The following CCDC160 variants were observed in gnomAD, a reference collection of about 807,000 sequenced individuals.
The protein encoded by CCDC160 is coiled-coil domain-containing protein 160.
For missense variants in CCDC160, 227 were observed against 215.6 expected, an observed-to-expected ratio of 1.05 and a Z score of -0.33; for synonymous variants, 94 against 79.4, an observed-to-expected ratio of 1.18 and a Z score of -0.98.
chrX:134,246,033 G>A (rs199804349), downstream of CCDC160: 12 of 194,471 alleles, frequency 6.2e-5, no homozygotes, highest in Non-Finnish European at 1.1e-4. Flanking sequence ...GTGTGTGTGT[G>A]TACACACACA....
At chrX:134,246,394 A>G (rs761055654), downstream of CCDC160, among the ~76,000 whole-genome samples, 7 of 111,547 alleles carry the variant, frequency 6.3e-5, no homozygotes, top group Admixed American at 3.8e-4. Flanking sequence ...GTTCCCATAG[A>G]CTACAAGACG....
chrX:134,245,846 G>T, downstream of CCDC160: 1 of 772,018 alleles, frequency 1.3e-6, no homozygotes, highest in Non-Finnish European at 1.8e-6. Context: ...TTTTCTTTGC[G>T]TATTACTTAA....
intron 1 of CCDC160, among the ~76,000 whole-genome samples, chrX:134,241,966 T>TA (rs757481653): frequency 1.8e-5 from 2 of 111,675 alleles, no homozygotes; most frequent in Admixed American, 9.5e-5. Context: ...TCGTTCTGCA[T>TA]AAAAAAACAA....
intron 1 of CCDC160, among the ~76,000 whole-genome samples, chrX:134,244,389 T>G (rs2124129959): frequency 8.9e-6 from 1 of 112,645 alleles, no homozygotes; most frequent in South Asian, 3.7e-4. Flanking sequence ...TCAGACACAT[T>G]GAAAGCACAG....
chrX:134,240,902 C>T (rs1569477667), intron 1 of CCDC160, among the ~76,000 whole-genome samples: 2 of 107,915 alleles, frequency 1.9e-5, no homozygotes, highest in African/African-American at 6.8e-5. Flanking sequence ...GTTTTGAACT[C>T]CTGACATCAA....
At chrX:134,241,679 G>T (rs1314171384) in intron 1 of CCDC160, among the ~76,000 whole-genome samples, 3 of 112,078 alleles carry the variant, frequency 2.7e-5, no homozygotes, top group African/African-American at 9.7e-5. Flanking sequence ...AAAGAAACCA[G>T]TTTTTCATCC....
At chrX:134,237,941 G>A (rs921647162) in intron 1 of CCDC160, among the ~76,000 whole-genome samples, 2 of 111,865 alleles carry the variant, frequency 1.8e-5, no homozygotes, top group African/African-American at 6.5e-5. Flanking sequence ...CCAAGCAATA[G>A]AGAAGACAAT....
At chrX:134,238,930 C>T (rs1294941369) in intron 1 of CCDC160, 90 bp downstream of exon 2, 5 of 110,976 alleles carry the variant, frequency 4.5e-5, no homozygotes, top group African/African-American at 1.6e-4. Flanking sequence ...TGTAATTGAT[C>T]GTCTGCATTG....
chrX:134,245,104 A>G (rs2077038381), exon 2 of CCDC160: 2 of 1,188,778 alleles, frequency 1.7e-6, no homozygotes, highest in Non-Finnish European at 2.3e-6. Context: ...TGAATCATCT[A>G]ATGTGGATGT....
rs780818748 is a variant in CCDC160 at position 134,244,820 on chromosome X, A to G, written c.20A>G (p.His7Arg). 6.8e-6 allele frequency: 8 copies of G among 1,168,995 alleles called. No homozygotes were observed. Among genetic ancestry groups the G allele is most frequent in the South Asian group, 6.1e-5 (3 of 49,540 alleles). The change falls in exon 2 of 2, where the codon CAC becomes CGC. Residue 7 changes from histidine (H) to arginine (R), a missense_variant. Transcript: ENST00000370809. ...GGAGAAATGGATGCTAGAAGAAAAC[A>G]CTGGAAGGAGAATATGTTTACTCCT...
downstream of CCDC160, among the ~76,000 whole-genome samples, chrX:134,246,698 A>G (rs779613281): frequency 1.8e-3 from 203 of 111,822 alleles, 1 homozygote; most frequent in African/African-American, 4.9e-3. Flanking sequence ...CATGGTAAAA[A>G]TGTACTGCCT....
chrX:134,245,712 ATAC>A (rs1409172254), exon 2 of CCDC160: 1 of 1,188,896 alleles, frequency 8.4e-7, no homozygotes, highest in African/African-American at 1.8e-5. Flanking sequence ...TGCTTAGAAA[ATAC>A]TATGCTTCTT....
downstream of CCDC160, among the ~76,000 whole-genome samples, chrX:134,246,664 A>G (rs2077044016): frequency 8.9e-6 from 1 of 112,036 alleles, no homozygotes; most frequent in South Asian, 3.8e-4. Context: ...GCTCCAGGTG[A>G]TGACAATTTA....
intron 1 of CCDC160, among the ~76,000 whole-genome samples, chrX:134,243,082 A>C (rs1219864398): frequency 8.9e-6 from 1 of 111,750 alleles, no homozygotes; most frequent in African/African-American, 3.2e-5. Flanking sequence ...TCAATCAATG[A>C]TGCTTCTGGA....
At chrX:134,239,228 A>G (rs2077019976) in intron 1 of CCDC160, among the ~76,000 whole-genome samples, 2 of 112,137 alleles carry the variant, frequency 1.8e-5, no homozygotes, top group Non-Finnish European at 3.8e-5. Flanking sequence ...CCATCATAGC[A>G]TATTTGTATA....
At chrX:134,243,724 A>G (rs1333724540) in intron 1 of CCDC160, among the ~76,000 whole-genome samples, 1 of 112,253 alleles carries the variant, frequency 8.9e-6, no homozygotes, top group African/African-American at 3.2e-5. Flanking sequence ...ATTTTTCTAC[A>G]TGGTGATACT....
At chrX:134,240,795 C>T (rs191515134) in intron 1 of CCDC160, among the ~76,000 whole-genome samples, 3 of 102,880 alleles carry the variant, frequency 2.9e-5, no homozygotes, top group East Asian at 3.1e-4. Flanking sequence ...GCAATCCTCC[C>T]ACCTGAGTAG....
At chrX:134,241,132 A>G (rs2077026343) in intron 1 of CCDC160, among the ~76,000 whole-genome samples, 1 of 111,540 alleles carries the variant, frequency 9.0e-6, no homozygotes, top group Non-Finnish European at 1.9e-5. Context: ...CTGAAAAATG[A>G]AACTGAGATG....
exon 2 of CCDC160, chrX:134,245,208 A>G (rs1465412074): frequency 1.7e-6 from 2 of 1,196,258 alleles, no homozygotes; most frequent in South Asian, 3.7e-5. Flanking sequence ...TAAGAAAGAA[A>G]TTTATGGAAA....
Sources: allele counts gnomAD v4.1 joint callset (sites outside exome capture counted in the v4.1 genomes callset), GRCh38; gene constraint gnomAD v4.1.1; transcripts MANE v1.5; gene names NCBI Gene and HGNC (gene_info 2026-07-23, HGNC 2026-07-21).